The following THSD7B variants were observed in gnomAD, a reference collection of about 807,000 sequenced individuals.
THSD7B encodes thrombospondin type-1 domain-containing protein 7B.
In THSD7B, 138 loss-of-function variants were observed where a neutral mutation model predicts 213.6. The ratio of observed to expected loss-of-function variants is 0.65; its 90% CI spans 0.56 to 0.74. The LOEUF is 0.74. THSD7B is among the 30% of genes least tolerant of loss of function. The probability of loss-of-function intolerance (pLI) is 0.00; values close to 1 mark genes in which losing one functional copy is unlikely to be tolerated. For synonymous variants in THSD7B, 742 were observed against 687.0 expected (o/e 1.08, Z -1.25); for missense variants, 1,931 against 1,991.5 (o/e 0.97, Z 0.58).
At chr2:136,894,752 T>C (rs1221307678) in intron 2 of THSD7B, among the ~76,000 whole-genome samples, 2 of 152,244 alleles carry the variant, frequency 1.3e-5, no homozygotes, top group Admixed American at 1.3e-4. Flanking sequence ...GTTATTTTTC[T>C]AAAGTGGCCA....
intron 14 of THSD7B, among the ~76,000 whole-genome samples, chr2:137,413,091 A>G (rs968184181): frequency 2.6e-5 from 4 of 152,184 alleles, no homozygotes; most frequent in African/African-American, 9.7e-5. Flanking sequence ...TCTTTATTTA[A>G]GATATACCCA....
At chr2:137,366,971 CG>C (rs1176395090) in intron 12 of THSD7B, among the ~76,000 whole-genome samples, 2 of 151,960 alleles carry the variant, frequency 1.3e-5, no homozygotes, top group Non-Finnish European at 2.9e-5. Context: ...GTTTGTTTTC[CG>C]TATTTACTTC....
chr2:136,766,890 A>G (rs1411579307), intron 1 of THSD7B, among the ~76,000 whole-genome samples: 1 of 152,080 alleles, frequency 6.6e-6, no homozygotes, highest in Non-Finnish European at 1.5e-5. Context: ...GGTGTTTCTC[A>G]GCGGTACACC....
intron 1 of THSD7B, among the ~76,000 whole-genome samples, chr2:136,840,763 A>G (rs1442561280): frequency 5.3e-5 from 8 of 152,158 alleles, no homozygotes; most frequent in Non-Finnish European, 5.9e-5. Flanking sequence ...TGGTATATGG[A>G]GAAGTGATTG....
chr2:136,900,944 AGT>A (rs1474303963), intron 2 of THSD7B, among the ~76,000 whole-genome samples: 20 of 152,312 alleles, frequency 1.3e-4, no homozygotes, highest in Non-Finnish European at 7.3e-5. Flanking sequence ...CCATGCAGAA[AGT>A]GTCTCTTATA....
chr2:137,104,977 G>A (rs1440406583), intron 4 of THSD7B, among the ~76,000 whole-genome samples: 8 of 152,126 alleles, frequency 5.3e-5, no homozygotes, highest in Non-Finnish European at 8.8e-5. Context: ...TCTACCAGAG[G>A]TTCAAAGAGG....
chr2:136,775,688 A>C (rs1681589013), intron 1 of THSD7B, among the ~76,000 whole-genome samples: 1 of 152,166 alleles, frequency 6.6e-6, no homozygotes. Context: ...AGTGTTAAGC[A>C]ATACCAGGAG....
At chr2:136,927,042 A>T (rs1222398776) in intron 2 of THSD7B, among the ~76,000 whole-genome samples, 2 of 152,212 alleles carry the variant, frequency 1.3e-5, no homozygotes, top group Non-Finnish European at 2.9e-5. Context: ...TTTAGGATAA[A>T]ATATGATTTT....
chr2:137,503,531 C>T (rs555354417), intron 15 of THSD7B, among the ~76,000 whole-genome samples: 15 of 152,204 alleles, frequency 9.9e-5, no homozygotes, highest in African/African-American at 3.1e-4. Flanking sequence ...TATATTTTTG[C>T]CTTTTTCATG....
intron 5 of THSD7B, among the ~76,000 whole-genome samples, chr2:137,137,312 C>T (rs1679485109): frequency 6.6e-6 from 1 of 152,154 alleles, no homozygotes; most frequent in African/African-American, 2.4e-5. Context: ...CAGAAGCAAC[C>T]ATTCATCAGT....
chr2:137,264,917 G>A (rs954689508), intron 10 of THSD7B, among the ~76,000 whole-genome samples: 2 of 151,680 alleles, frequency 1.3e-5, no homozygotes, highest in South Asian at 2.1e-4. Context: ...ATGCTGGTGC[G>A]CTGCACCCAC....
chr2:137,095,628 C>G (rs554670481), intron 4 of THSD7B, among the ~76,000 whole-genome samples: 1 of 152,278 alleles, frequency 6.6e-6, no homozygotes, highest in South Asian at 2.1e-4. Flanking sequence ...ATGTGGTGTT[C>G]TTCAATTCCA....
At chr2:137,607,076 C>T (rs759184287) in intron 17 of THSD7B, among the ~76,000 whole-genome samples, 20 of 151,604 alleles carry the variant, frequency 1.3e-4, no homozygotes, top group Non-Finnish European at 2.8e-4. Context: ...ATGGGACTGA[C>T]AAGACCAGGG....
intron 14 of THSD7B, among the ~76,000 whole-genome samples, chr2:137,447,821 G>T (rs796679538): frequency 7.9e-5 from 12 of 152,156 alleles, no homozygotes; most frequent in African/African-American, 2.9e-4. Context: ...GAGAATCAAG[G>T]AAACAAGGTT....
intron 1 of THSD7B, among the ~76,000 whole-genome samples, chr2:136,846,689 T>C (rs1360522025): frequency 6.6e-6 from 1 of 152,158 alleles, no homozygotes; most frequent in African/African-American, 2.4e-5. Context: ...ACTTTTTTAC[T>C]TGTATAATGT....
chr2:137,055,711 T>C (rs1363915561), intron 2 of THSD7B, among the ~76,000 whole-genome samples: 1 of 152,132 alleles, frequency 6.6e-6, no homozygotes. Context: ...TCAAAATGAG[T>C]ACACTTCAAG....
chr2:137,652,639 C>T (rs2104813913), intron 21 of THSD7B, among the ~76,000 whole-genome samples: 1 of 151,926 alleles, frequency 6.6e-6, no homozygotes, highest in African/African-American at 2.4e-5. Flanking sequence ...AGTTTTTTCC[C>T]CTCTTCCTTT....
intron 15 of THSD7B, among the ~76,000 whole-genome samples, chr2:137,560,241 G>T (rs1366670957): frequency 6.6e-6 from 1 of 152,072 alleles, no homozygotes; most frequent in African/African-American, 2.4e-5. Flanking sequence ...AAATCATGCT[G>T]CTATAAAGAC....
chr2:137,539,456 T>C (rs1680567470), intron 15 of THSD7B, among the ~76,000 whole-genome samples: 1 of 151,728 alleles, frequency 6.6e-6, no homozygotes, highest in Admixed American at 6.6e-5. Context: ...TATAATGTCA[T>C]ACCTTCTGTT....
Sources: gnomAD v4.1 joint callset for allele counts (sites outside exome capture counted in the v4.1 genomes callset) on GRCh38, gnomAD v4.1.1 for gene constraint, MANE v1.5 for transcripts, NCBI Gene and HGNC (gene_info 2026-07-23, HGNC 2026-07-21) for gene names.